ITPR1: variants seen among roughly 807,000 people sequenced by gnomAD.
ITPR1 encodes the protein inositol 1,4,5-trisphosphate receptor type 1, also known as inositol 1,4,5-trisphosphate-gated calcium channel ITPR1.
ITPR1 carries 96 observed loss-of-function variants against 318.4 expected under a neutral mutation model. The observed-to-expected ratio is 0.30, with a 90% CI of 0.26 to 0.36. The LOEUF (loss-of-function observed/expected upper bound fraction) is 0.36. Among genes scored for constraint, ITPR1 ranks in the 10% least tolerant of loss-of-function variants. ITPR1 has a pLI of 1.00. For synonymous variants in ITPR1, 1,312 were observed against 1,289.9 expected, an observed-to-expected ratio of 1.02 and a Z score of -0.37; for missense variants, 2,440 against 3,460.2, an observed-to-expected ratio of 0.71 and a Z score of 7.40.
Position 4,661,016 on chromosome 3 carries a change from T to C in ITPR1, c.1180T>C (p.Cys394Arg), listed in dbSNP as rs906194561. The change falls in exon 14 of 62, where the codon TGT becomes CGT. Residue 394 changes from cysteine to arginine, a missense_variant. Around this residue, in one of 23 missense-constraint regions of ITPR1, gnomAD observed 101 missense variants for 119.6 expected, o/e 0.84. Coordinates refer to ENST00000649015, the MANE Select transcript of ITPR1 (RefSeq NM_001378452.1). ...CTCTTATGTTCGGCTCAGACACCTA[T>C]GTACTAATACCTGGGTTCACAGCAC... ...RNSYVRLRHLCTNTWVHSTNI... is the reference protein window; with the variant it reads ...RNSYVRLRHLRTNTWVHSTNI... 2.5e-6 allele frequency: 4 copies of C among 1,607,198 alleles called. No homozygotes were observed. Among genetic ancestry groups the C allele is most frequent in the Non-Finnish European group, 3.4e-6 (4 of 1,174,128 alleles).
chr3:4,812,676 C>T (rs944916945), intron 56 of ITPR1, among the ~76,000 whole-genome samples: 2 of 152,214 alleles, frequency 1.3e-5, no homozygotes, highest in Non-Finnish European at 1.5e-5. Flanking sequence ...TTTGTGCTCT[C>T]CCTCCCAAAT....
intron 29 of ITPR1, among the ~76,000 whole-genome samples, chr3:4,684,750 C>T (rs1189275620): frequency 6.6e-6 from 1 of 152,136 alleles, no homozygotes; most frequent in Non-Finnish European, 1.5e-5. Flanking sequence ...AGGCTGGGAG[C>T]TTTGTGTGTT....
At position 4,765,672 on chromosome 3, in the gene ITPR1, T is replaced by C. The variant is rs180859066; in HGVS notation, c.5545-858T>C. On this transcript the variant is annotated intron_variant, in intron 44 of 61. Coordinates refer to ENST00000649015, the MANE Select transcript of ITPR1 (RefSeq NM_001378452.1). ...TATTGTTGGGAGCTTTGTTTTTTTT[T>C]TCTCTGGAAATGACCGTATTGTATT... Among the ~76,000 whole-genome samples the C allele has an allele frequency of 2.3e-3, 346 of 152,296 alleles. 4 individuals carry two copies. The highest frequency in any genetic ancestry group is 8.0e-3 in the African/African-American group (332 of 41,554).
At chr3:4,555,007 G>A (rs1047966653) in intron 4 of ITPR1, among the ~76,000 whole-genome samples, 4 of 152,120 alleles carry the variant, frequency 2.6e-5, no homozygotes, top group Admixed American at 2.6e-4. Flanking sequence ...GCATGATCTG[G>A]GGATGGAACT....
intron 4 of ITPR1, among the ~76,000 whole-genome samples, chr3:4,559,462 A>G (rs892739649): frequency 2.6e-5 from 4 of 152,192 alleles, no homozygotes; most frequent in Admixed American, 6.5e-5. Flanking sequence ...GGGTATTTTT[A>G]TAAAAACTTG....
rs940072654 is a variant in ITPR1 at position 4,779,445 on chromosome 3, G to A, written c.6292-105G>A. ...AGCTTCCTCATGGGGTGAAATGTTC[G>A]TCTGTTTAGCCGGGATGCCTCCCAT... On this transcript the variant is annotated intron_variant, in intron 48 of 61. Transcript: ENST00000649015. The surrounding 1 kb of genome is among the most constrained non-coding windows in gnomAD (Gnocchi z 4.0). The A allele has an allele frequency of 4.7e-5, 36 of 769,804 alleles. No individual in the cohort carries two copies. Among genetic ancestry groups the A allele is most frequent in the South Asian group, 1.9e-4 (13 of 69,884 alleles). 47.7% of individuals were successfully genotyped at this position (769,804 alleles called of 1,614,324 possible).
intron 36 of ITPR1, among the ~76,000 whole-genome samples, chr3:4,704,429 C>CCCTA (rs1312806319): frequency 1.3e-5 from 2 of 152,186 alleles, no homozygotes; most frequent in Non-Finnish European, 2.9e-5. Flanking sequence ...ACAAAAAAAT[C>CCCTA]CCTACCTGTT....
chr3:4,709,769 T>C (rs2041212127), intron 37 of ITPR1, among the ~76,000 whole-genome samples: 2 of 152,364 alleles, frequency 1.3e-5, no homozygotes, highest in African/African-American at 2.4e-5. Context: ...TGTTCATTCA[T>C]TGGTGTCCTC....
At chr3:4,840,597 T>G (rs2051273041) in intron 61 of ITPR1, among the ~76,000 whole-genome samples, 1 of 152,208 alleles carries the variant, frequency 6.6e-6, no homozygotes, top group South Asian at 2.1e-4. Flanking sequence ...TCGTTATGTA[T>G]CAATCTGAGG....
At position 4,725,567 on chromosome 3, in the gene ITPR1, G is replaced by C. The variant is rs767747531; in HGVS notation, c.5158G>C (p.Glu1720Gln). 3.1e-6 allele frequency: 5 copies of C among 1,599,166 alleles called. No homozygotes were observed. In the Admixed American group the frequency reaches 5.0e-5, roughly 16 times the overall value. Residue 1720 changes from glutamate to glutamine, a missense_variant, in exon 41 of 62, where the codon GAG (glutamate) becomes CAG (glutamine). Glu to Gln is a conservative substitution (Grantham distance 29). This residue lies in a region of ITPR1 where 166 missense variants were observed against 143.7 expected (regional missense o/e 1.16). Coordinates refer to ENST00000649015, the MANE Select transcript of ITPR1 (RefSeq NM_001378452.1). ...TTAGCTTCCTCCAGCTCCGGATTCT[G>C]AGAACGCCACTGAGGTGTGTTGCCC... is the stretch of plus-strand genomic sequence containing the variant. ...NAELPPAPDSENATEELEPSP... is the reference protein window; with the variant it reads ...NAELPPAPDSQNATEELEPSP...
chr3:4,769,037 G>A (rs1039204782), intron 46 of ITPR1, among the ~76,000 whole-genome samples: 7 of 151,878 alleles, frequency 4.6e-5, no homozygotes, highest in African/African-American at 1.7e-4. Context: ...AGCTTCCCAA[G>A]TAGCTAGAAT....
Position 4,779,329 on chromosome 3 carries a change from T to G in ITPR1, c.6292-221T>G, listed in dbSNP as rs781163417. The stretch of plus-strand genomic sequence containing the variant: ...CATGCCCTGACAAATATGTGCCTCT[T>G]TGTCCGAAATCAGATTCTGCACACG... On this transcript the variant is annotated intron_variant, in intron 48 of 61. Coordinates refer to ENST00000649015, the MANE Select transcript of ITPR1 (RefSeq NM_001378452.1). This position sits in a 1 kb window ranked among gnomAD's most constrained non-coding sequence, Gnocchi z 4.0. Among the ~76,000 whole-genome samples, 36 of 152,228 alleles carry G rather than the reference T, an allele frequency of 2.4e-4. No homozygotes were observed. Among genetic ancestry groups the G allele is most frequent in the Non-Finnish European group, 5.0e-4 (34 of 68,042 alleles).
At chr3:4,698,070 C>A (rs1213521552) in intron 34 of ITPR1, among the ~76,000 whole-genome samples, 5 of 149,216 alleles carry the variant, frequency 3.4e-5, no homozygotes, top group African/African-American at 1.2e-4. Flanking sequence ...TGCATTGGGC[C>A]TAATATTCAT....
chr3:4,845,298 C>G (rs2051680887), intron 61 of ITPR1, among the ~76,000 whole-genome samples: 1 of 152,138 alleles, frequency 6.6e-6, no homozygotes, highest in Non-Finnish European at 1.5e-5. Flanking sequence ...GACTTGAATG[C>G]TCACCCTAAA....
rs2093921193 is a variant in ITPR1 at position 4,665,245 on chromosome 3, G to C, written c.1662G>C (p.Arg554=). 1 of 1,613,900 alleles carries C rather than the reference G, an allele frequency of 6.2e-7. No individual in the cohort carries two copies. The highest frequency in any genetic ancestry group is 1.3e-5 in the African/African-American group (1 of 74,934). Residue 554 remains arginine (R), a synonymous_variant, in exon 17 of 62, where the codon CGG becomes CGC. Transcript: ENST00000649015. ...ACGCTCCTTTCAGACACATCTGCCGGCTCTGCTACAGGGTGCTGAGACACT... is the reference window on the plus strand; with the variant it reads ...ACGCTCCTTTCAGACACATCTGCCGCCTCTGCTACAGGGTGCTGAGACACT... ...QRHAPFRHIC[R]LCYRVLRHSQ... is the part of the protein sequence containing the mutation.
In ITPR1 at chr3:4,603,630, C is replaced by A. The variant is rs751999753; in HGVS notation, c.164-24133C>A. 5.9e-5 allele frequency among the ~76,000 whole-genome samples: 9 copies of A among 152,196 alleles called. No individual in the cohort carries two copies. The East Asian group carries it at 1.2e-3, about 20-fold the overall frequency. On this transcript the variant is annotated intron_variant, in intron 4 of 61. Transcript: ENST00000649015. The stretch of plus-strand genomic sequence containing the variant: ...TTTTTAGTAGAGACAGGGTTTCACC[C>A]TGTTGGACAGGATGGTCTTGATTTC...
chr3:4,514,606 G>T (rs1371187849), intron 2 of ITPR1, among the ~76,000 whole-genome samples: 1 of 152,158 alleles, frequency 6.6e-6, no homozygotes, highest in Non-Finnish European at 1.5e-5. Context: ...AGTCACACTG[G>T]ACAAGGCCCT....
chr3:4,587,000 C>T (rs531426451), intron 4 of ITPR1, among the ~76,000 whole-genome samples: 3 of 152,226 alleles, frequency 2.0e-5, no homozygotes, highest in East Asian at 1.9e-4. Flanking sequence ...GGGAATCACC[C>T]GGGAGATTCA....
Position 4,652,355 on chromosome 3 carries a change from G to T in ITPR1, c.951+137G>T, listed in dbSNP as rs1575915395. 11 of 663,972 alleles carry T rather than the reference G, an allele frequency of 1.7e-5. No homozygotes were observed. In the East Asian group the frequency reaches 3.1e-4, roughly 19 times the overall value. 41.1% of individuals were successfully genotyped at this position (663,972 alleles called of 1,614,324 possible). A position where few individuals can be genotyped will look rare whatever the true frequency, so the allele number is the denominator to read the frequency against. ...ACCTTGCTTTTCCTCCTGTTTTTCT[G>T]TTTCCTTCTGATTCATTTTCCTAGA... On this transcript the variant is annotated intron_variant, in intron 11 of 61. Coordinates refer to ENST00000649015, the MANE Select transcript of ITPR1 (RefSeq NM_001378452.1).
Sources: gnomAD v4.1 joint callset for allele counts (sites outside exome capture counted in the v4.1 genomes callset) on GRCh38, gnomAD v4.1.1 for gene constraint, gnomAD v4.1.1 regional missense constraint, Gnocchi (gnomAD v3.1) non-coding constraint, MANE v1.5 for transcripts, NCBI Gene and HGNC (gene_info 2026-07-23, HGNC 2026-07-21) for gene names.